The following NDUFAF6 variants were observed in gnomAD, a reference collection of about 807,000 sequenced individuals.
The protein encoded by NDUFAF6 is NADH:ubiquinone oxidoreductase complex assembly factor 6, also known as NADH dehydrogenase (ubiquinone) complex I, assembly factor 6.
In NDUFAF6, 45 loss-of-function variants were observed where a neutral mutation model predicts 40.8. That is an observed-to-expected ratio of 1.10 (90% CI 0.87 to 1.42). The LOEUF is 1.42. NDUFAF6 is among the 40% of genes most tolerant of loss of function. The probability of loss-of-function intolerance (pLI) is 0.00; values close to 1 mark genes in which losing one functional copy is unlikely to be tolerated. For missense variants in NDUFAF6, 435 were observed against 418.5 expected (o/e 1.04, Z -0.34); for synonymous variants, 185 against 155.9 (o/e 1.19, Z -1.39).
chr8:95,077,749 G>C (rs967200747), downstream of NDUFAF6, among the ~76,000 whole-genome samples: 2 of 152,132 alleles, frequency 1.3e-5, no homozygotes, highest in African/African-American at 2.4e-5. Flanking sequence ...TTCCCAGGGG[G>C]ATGTTATTCT....
downstream of NDUFAF6, among the ~76,000 whole-genome samples, chr8:95,106,170 G>A (rs1400863148): frequency 6.6e-6 from 1 of 151,872 alleles, no homozygotes; most frequent in African/African-American, 2.4e-5. Context: ...AGCTACCCGG[G>A]AGGCTGAGGC....
intron 2 of NDUFAF6, among the ~76,000 whole-genome samples, chr8:94,994,978 C>T (rs1301926668): frequency 6.6e-6 from 1 of 152,220 alleles, no homozygotes; most frequent in African/African-American, 2.4e-5. Flanking sequence ...AACAATTCCA[C>T]TTCTGGGTAT....
At chr8:95,097,658 C>G (rs181083763), upstream of NDUFAF6, among the ~76,000 whole-genome samples, 36 of 152,268 alleles carry the variant, frequency 2.4e-4, no homozygotes, top group Non-Finnish European at 5.1e-4. Context: ...GAGATCACGC[C>G]ATTGCACTCT....
chr8:95,072,197 A>G (rs1317037033), intron 9 of NDUFAF6, among the ~76,000 whole-genome samples: 2 of 152,032 alleles, frequency 1.3e-5, no homozygotes, highest in African/African-American at 4.8e-5. Context: ...CCTAAGACAC[A>G]GGGCCGTTAT....
chr8:94,980,467 C>T (rs1009875416), intron 1 of NDUFAF6, among the ~76,000 whole-genome samples: 1 of 120,880 alleles, frequency 8.3e-6, no homozygotes, highest in Admixed American at 9.8e-5. Context: ...TTTTTTGAGA[C>T]AGAGTCTGGC....
rs544358987 is a variant in NDUFAF6 at position 94,898,436 on chromosome 8, T to A, written c.-936+2509T>A. 2.0e-5 allele frequency among the ~76,000 whole-genome samples: 3 copies of A among 152,304 alleles called. No homozygotes were observed. The South Asian group carries it at 6.2e-4, about 32-fold the overall frequency. ...GTAGGCTAACCATGCGACAAAAACA[T>A]CAGATGAATTCCGGTAGACGAGTTG... On this transcript the variant is annotated intron_variant, in intron 1 of 14. Coordinates refer to the NDUFAF6 transcript ENST00000396113.
chr8:95,035,546 A>T lies in NDUFAF6; in HGVS notation c.390A>T (p.Pro130=). 6.2e-7 allele frequency: 1 copy of T among 1,612,730 alleles called. No individual in the cohort carries two copies. The highest frequency in any genetic ancestry group is 8.5e-7 in the Non-Finnish European group (1 of 1,179,586). ...AAGATATATACTGTGACAATCCACC[A>T]CATCAGCCTGTGGCCATTGAACTAT... is the stretch of plus-strand genomic sequence containing the variant. ...TVEDIYCDNP[P]HQPVAIELWK... The change falls in exon 3 of 9, where the codon CCA becomes CCT. Residue 130 remains proline, a synonymous_variant. Transcript: ENST00000396124.
downstream of NDUFAF6, among the ~76,000 whole-genome samples, chr8:95,059,143 AAATG>A (rs1386577521): frequency 1.3e-5 from 2 of 152,190 alleles, no homozygotes. Context: ...ATCTGACTCT[AAATG>A]AATCTCACTC....
intron 2 of NDUFAF6, among the ~76,000 whole-genome samples, chr8:95,015,902 T>C (rs1305417774): frequency 6.6e-6 from 1 of 152,116 alleles, no homozygotes; most frequent in Non-Finnish European, 1.5e-5. Context: ...ATTAGCCAGA[T>C]CAAGAATGAG....
intron 9 of NDUFAF6, among the ~76,000 whole-genome samples, chr8:95,065,076 C>T (rs982112160): frequency 6.6e-6 from 1 of 152,160 alleles, no homozygotes; most frequent in Non-Finnish European, 1.5e-5. Flanking sequence ...TGTCACCATG[C>T]AGCTCTTCAT....
At position 94,959,530 on chromosome 8, in the gene NDUFAF6, G is replaced by GGT. The variant is rs10689247; in HGVS notation, c.-199+1351_-199+1352insGT. ...GCCAATTTTTTTGTTGTTGCTTTTT[G>GGT]TTTTTTTTGTTTTTTTTTTAGAGAC... On this transcript the variant is annotated intron_variant, in intron 1 of 9. Coordinates refer to the NDUFAF6 transcript ENST00000396111. Among the ~76,000 whole-genome samples, 18 of 146,488 alleles carry GGT rather than the reference G, an allele frequency of 1.2e-4. No homozygotes were observed. In the East Asian group the frequency reaches 1.6e-3, roughly 13 times the overall value.
Position 95,025,052 on chromosome 8 carries a change from T to C in NDUFAF6, c.44T>C (p.Leu15Pro). 7.0e-7 allele frequency: 1 copy of C among 1,422,756 alleles called. No homozygotes were observed. The highest frequency in any genetic ancestry group is 2.9e-5 in the East Asian group (1 of 34,016). The allele number at this position is 1,422,756 out of a possible 1,614,324, so 88.1% of individuals were successfully genotyped here. ...GGCTCTGTCTGGGGGCCGTTGCGGCTTGGCATCCCCGGCCTGTGCTGCCGC... is the reference window on the plus strand; with the variant it reads ...GGCTCTGTCTGGGGGCCGTTGCGGCCTGGCATCCCCGGCCTGTGCTGCCGC... ...AHGSVWGPLRLGIPGLCCRRP... is the reference protein window; with the variant it reads ...AHGSVWGPLRPGIPGLCCRRP... The change falls in exon 1 of 9, where the codon CTT (leucine) becomes CCT (proline). Residue 15 changes from leucine (L) to proline (P), a missense_variant. Leu to Pro is a moderately conservative substitution (Grantham distance 98, BLOSUM62 -3). Transcript: ENST00000396124.
At chr8:94,932,689 G>A (rs1820536725) in intron 1 of NDUFAF6, among the ~76,000 whole-genome samples, 2 of 152,192 alleles carry the variant, frequency 1.3e-5, no homozygotes, top group Admixed American at 6.5e-5. Flanking sequence ...TGTAGTCCCA[G>A]CTACTCGGGA....
chr8:94,920,226 A>G (rs1335495149), intron 1 of NDUFAF6, among the ~76,000 whole-genome samples: 1 of 152,212 alleles, frequency 6.6e-6, no homozygotes, highest in Non-Finnish European at 1.5e-5. Context: ...TGGATCACAG[A>G]TTGAAAGATC....
chr8:94,978,650 G>T (rs1434069235), intron 1 of NDUFAF6, among the ~76,000 whole-genome samples: 2 of 151,930 alleles, frequency 1.3e-5, no homozygotes, highest in East Asian at 3.9e-4. Flanking sequence ...GGAGGTCGAG[G>T]CTGCAGTGAA....
At chr8:94,949,076 G>A (rs1822296959) in intron 2 of NDUFAF6, 2 of 148,400 alleles carry the variant, frequency 1.3e-5, no homozygotes, top group Non-Finnish European at 3.0e-5. Context: ...CCGGGCTCAG[G>A]AGCGGGCAGC....
downstream of NDUFAF6, among the ~76,000 whole-genome samples, chr8:95,080,964 C>T (rs1208052771): frequency 6.6e-6 from 1 of 152,114 alleles, no homozygotes; most frequent in Admixed American, 6.5e-5. Context: ...GTTAGCCCAC[C>T]TAGCCTCGTA....
chr8:95,033,286 TCTC>T (rs1829071372), intron 2 of NDUFAF6, among the ~76,000 whole-genome samples: 1 of 152,100 alleles, frequency 6.6e-6, no homozygotes, highest in African/African-American at 2.4e-5. Context: ...CTCAAATGGT[TCTC>T]CTGCCTCAGC....
intron 2 of NDUFAF6, among the ~76,000 whole-genome samples, chr8:95,003,090 T>TA (rs1826808871): frequency 6.6e-6 from 1 of 152,168 alleles, no homozygotes; most frequent in African/African-American, 2.4e-5. Flanking sequence ...GTCATGTACC[T>TA]ACAATTATAG....
Sources: gnomAD v4.1 joint callset for allele counts (sites outside exome capture counted in the v4.1 genomes callset) on GRCh38, gnomAD v4.1.1 for gene constraint, MANE v1.5 for transcripts, NCBI Gene and HGNC (gene_info 2026-07-23, HGNC 2026-07-21) for gene names.